The following C1QTNF5 variants were observed in gnomAD, a reference collection of about 807,000 sequenced individuals.
C1QTNF5 encodes C1q and TNF related 5.
Under a neutral mutation model 10.9 loss-of-function variants are expected in C1QTNF5, and 5 were observed. The ratio of observed to expected loss-of-function variants is 0.46; its 90% CI spans 0.24 to 0.97. The LOEUF (loss-of-function observed/expected upper bound fraction) is 0.97. Ranked by LOEUF, C1QTNF5 falls within the 50% of genes least tolerant of loss-of-function variation. The pLI is 0.19. For synonymous variants in C1QTNF5, 161 were observed against 156.5 expected (o/e 1.03, Z -0.22); for missense variants, 281 against 339.4 (o/e 0.83, Z 1.35).
upstream of C1QTNF5, chr11:119,342,789 G>C (rs564824660): frequency 6.2e-7 from 1 of 1,613,112 alleles, no homozygotes; most frequent in Non-Finnish European, 8.5e-7. Flanking sequence ...TACCCCCAGA[G>C]TGTCCTGACC....
At chr11:119,341,933 T>C, upstream of C1QTNF5, 1 of 1,613,884 alleles carries the variant, frequency 6.2e-7, no homozygotes, top group Non-Finnish European at 8.5e-7. Flanking sequence ...GGCTGTGGTG[T>C]TGTAGCTCAG....
chr11:119,345,623 G>T (rs375311255), upstream of C1QTNF5: 1 of 1,613,522 alleles, frequency 6.2e-7, no homozygotes, highest in African/African-American at 1.3e-5. Flanking sequence ...CAGAGAGGAG[G>T]CCTCCACAGG....
Position 119,339,213 on chromosome 11 carries a change from C to CCCCA in C1QTNF5, c.*114_*117dup. ...CAGCAGCAGGACGGAGAGTGCTCTACCCCACCTCCCTAGTCATTCACAATA... is the reference window on the plus strand; with the variant it reads ...CAGCAGCAGGACGGAGAGTGCTCTACCCCACCCACCTCCCTAGTCATTCACAATA... On this transcript the variant is annotated 3_prime_UTR_variant, in exon 3 of 3. Coordinates refer to ENST00000528368, the MANE Select transcript of C1QTNF5 (RefSeq NM_001278431.2). This position sits in a 1 kb window ranked among gnomAD's most constrained non-coding sequence, Gnocchi z 5.4. 1 of 1,191,906 alleles carries CCCCA rather than the reference C, an allele frequency of 8.4e-7. No homozygotes were observed. Among genetic ancestry groups the CCCCA allele is most frequent in the Non-Finnish European group, 1.2e-6 (1 of 850,178 alleles). The allele number at this position is 1,191,906 out of a possible 1,614,324, so 73.8% of individuals were successfully genotyped here.
At position 119,339,568 on chromosome 11, in the gene C1QTNF5, C is replaced by G. The variant is rs749820882; in HGVS notation, c.495G>C (p.Gln165His). 1.1e-5 allele frequency: 18 copies of G among 1,613,456 alleles called. No individual in the cohort carries two copies. Among genetic ancestry groups the G allele is most frequent in the Non-Finnish European group, 1.4e-5 (17 of 1,180,052 alleles). The part of the protein sequence containing the change: ...VHATVYRASL[Q>H]FDLVKNGESI... ...ATTCGCCATTCTTCACCAGATCAAACTGCAGGCTGGCCCGGTAGACGGTGG... is the reference window on the plus strand; with the variant it reads ...ATTCGCCATTCTTCACCAGATCAAAGTGCAGGCTGGCCCGGTAGACGGTGG... The change falls in exon 3 of 3, where the codon CAG becomes CAC. Residue 165 changes from glutamine to histidine, a missense_variant. Coordinates refer to ENST00000528368, the MANE Select transcript of C1QTNF5 (RefSeq NM_001278431.2). The surrounding 1 kb of genome is among the most constrained non-coding windows in gnomAD (Gnocchi z 5.4).
At position 119,340,164 on chromosome 11, in the gene C1QTNF5, C is replaced by T; in HGVS notation, c.214+20G>A. On this transcript the variant is annotated intron_variant, in intron 2 of 2. Coordinates refer to ENST00000528368, the MANE Select transcript of C1QTNF5 (RefSeq NM_001278431.2). ...CCTGCTCGGACATCGCCACCGATAG[C>T]CGCGGCGGTGCCTTCTTACCCGGCC... 6.6e-7 allele frequency: 1 copy of T among 1,508,818 alleles called. No homozygotes were observed. Among genetic ancestry groups the T allele is most frequent in the East Asian group, 2.8e-5 (1 of 36,254 alleles). 93.5% of individuals were successfully genotyped at this position (1,508,818 alleles called of 1,614,324 possible). A position where few individuals can be genotyped will look rare whatever the true frequency, so the allele number is the denominator to read the frequency against.
chr11:119,342,725 G>A, upstream of C1QTNF5: 1 of 1,613,510 alleles, frequency 6.2e-7, no homozygotes, highest in Non-Finnish European at 8.5e-7. Flanking sequence ...GGCCCACAGG[G>A]GTCTGCAGGC....
chr11:119,342,475 G>C, upstream of C1QTNF5: 1 of 1,334,158 alleles, frequency 7.5e-7, no homozygotes, highest in Non-Finnish European at 1.0e-6. Context: ...AGTCAGGATG[G>C]TGAGGCCAGC....
chr11:119,339,216 C>T lies in C1QTNF5; in HGVS notation c.*115G>A. 1 of 1,215,848 alleles carries T rather than the reference C, an allele frequency of 8.2e-7. No homozygotes were observed. Among genetic ancestry groups the T allele is most frequent in the Non-Finnish European group, 1.1e-6 (1 of 869,620 alleles). 75.3% of individuals were successfully genotyped at this position (1,215,848 alleles called of 1,614,324 possible). A position where few individuals can be genotyped will look rare whatever the true frequency, so the allele number is the denominator to read the frequency against. On this transcript the variant is annotated 3_prime_UTR_variant, in exon 3 of 3. Coordinates refer to ENST00000528368, the MANE Select transcript of C1QTNF5 (RefSeq NM_001278431.2). This position sits in a 1 kb window ranked among gnomAD's most constrained non-coding sequence, Gnocchi z 5.4. ...CAGCAGGACGGAGAGTGCTCTACCCCACCTCCCTAGTCATTCACAATATTC... is the reference window on the plus strand; with the variant it reads ...CAGCAGGACGGAGAGTGCTCTACCCTACCTCCCTAGTCATTCACAATATTC...
rs751401877 is a variant in C1QTNF5 at position 119,339,669 on chromosome 11, C to T, written c.394G>A (p.Glu132Lys). 8.7e-6 allele frequency: 14 copies of T among 1,611,540 alleles called. No individual in the cohort carries two copies. The East Asian group carries it at 2.7e-4, about 31-fold the overall frequency. Residue 132 changes from glutamate to lysine, a missense_variant, in exon 3 of 3, where the codon GAG (glutamate) becomes AAG (lysine). Physicochemically the swap from Glu to Lys is moderately conservative, Grantham distance 56. Coordinates refer to ENST00000528368, the MANE Select transcript of C1QTNF5 (RefSeq NM_001278431.2). This position sits in a 1 kb window ranked among gnomAD's most constrained non-coding sequence, Gnocchi z 5.4. The part of the protein sequence containing the change: ...PLPFDRVLVN[E>K]QGHYDAVTGK... ...GTGACGGCGTCGTAATGTCCCTGCT[C>T]GTTCACCAGCACGCGGTCGAAGGGC...
chr11:119,340,410 G>C lies in C1QTNF5; in HGVS notation c.-13C>G. 3 of 1,542,844 alleles carry C rather than the reference G, an allele frequency of 1.9e-6. No individual in the cohort carries two copies. Among genetic ancestry groups the C allele is most frequent in the Non-Finnish European group, 1.7e-6 (2 of 1,145,844 alleles). On this transcript the variant is annotated 5_prime_UTR_variant, in exon 2 of 3. Transcript: ENST00000528368. ...GGAGTGGCCTCATAGCGCTGGCACC[G>C]GGAGCCCGGACGCCGGGGTCCTCTC...
At chr11:119,341,680 G>A, upstream of C1QTNF5, 2 of 1,613,114 alleles carry the variant, frequency 1.2e-6, no homozygotes, top group East Asian at 2.2e-5. Context: ...AGCGGCAAGG[G>A]GGCAGAACAC....
At chr11:119,344,978 G>A (rs368844563), upstream of C1QTNF5, 37 of 1,607,198 alleles carry the variant, frequency 2.3e-5, no homozygotes, top group Admixed American at 1.4e-4. Flanking sequence ...GGTGTTGAGC[G>A]TGGGGGGAGG....
At chr11:119,344,722 G>T (rs1349522961), upstream of C1QTNF5, 2 of 1,614,038 alleles carry the variant, frequency 1.2e-6, no homozygotes, top group Non-Finnish European at 1.7e-6. Context: ...AGGCAGATGA[G>T]CTGGTCACAG....
upstream of C1QTNF5, chr11:119,345,816 A>T: frequency 6.2e-7 from 1 of 1,613,592 alleles, no homozygotes; most frequent in Non-Finnish European, 8.5e-7. Context: ...GCTGCCCTTT[A>T]GGGGTCCCAG....
upstream of C1QTNF5, chr11:119,342,767 C>G: frequency 6.2e-7 from 1 of 1,613,260 alleles, no homozygotes; most frequent in Non-Finnish European, 8.5e-7. Flanking sequence ...GGGGACATAC[C>G]TACACCCCCA....
At chr11:119,344,865 C>G (rs1223591561), upstream of C1QTNF5, 1 of 1,613,172 alleles carries the variant, frequency 6.2e-7, no homozygotes, top group Non-Finnish European at 8.5e-7. Context: ...CAGGTGGGAA[C>G]ACACTCACCG....
chr11:119,344,521 G>T, upstream of C1QTNF5: 1 of 1,591,018 alleles, frequency 6.3e-7, no homozygotes, highest in Non-Finnish European at 8.6e-7. Flanking sequence ...AAGAATGACT[G>T]AGCAGGAAAT....
At chr11:119,344,649 C>T, upstream of C1QTNF5, 13 of 1,614,090 alleles carry the variant, frequency 8.1e-6, no homozygotes, top group Non-Finnish European at 1.1e-5. Context: ...CTTGGCACTG[C>T]AATTGGTCTC....
rs1349907005 is a variant in C1QTNF5 at position 119,339,924 on chromosome 11, C to G, written c.215-76G>C. 1 of 1,411,984 alleles carries G rather than the reference C, an allele frequency of 7.1e-7. No individual in the cohort carries two copies. Among genetic ancestry groups the G allele is most frequent in the East Asian group, 2.7e-5 (1 of 37,202 alleles). 87.5% of individuals were successfully genotyped at this position (1,411,984 alleles called of 1,614,324 possible). On this transcript the variant is annotated intron_variant, in intron 2 of 2. Coordinates refer to ENST00000528368, the MANE Select transcript of C1QTNF5 (RefSeq NM_001278431.2). The surrounding 1 kb of genome is among the most constrained non-coding windows in gnomAD (Gnocchi z 5.4). Reference sequence around the variant, plus strand: ...AGCGGGGCGGCGACTCTAAGGTCACCGTACCCCTCCCCGCCCCTGCCTGAG... The same window carrying G: ...AGCGGGGCGGCGACTCTAAGGTCACGGTACCCCTCCCCGCCCCTGCCTGAG...
Sources: allele counts gnomAD v4.1 joint callset, GRCh38; gene constraint gnomAD v4.1.1; non-coding constraint Gnocchi (gnomAD v3.1); transcripts MANE v1.5; gene names NCBI Gene and HGNC (gene_info 2026-07-23, HGNC 2026-07-21).